Variants in CLPB observed in about 807,000 individuals in gnomAD.
CLPB encodes the protein ClpB family mitochondrial disaggregase.
Under a neutral mutation model 78.4 loss-of-function variants are expected in CLPB, and 40 were observed. The observed-to-expected ratio is 0.51, with a 90% CI of 0.40 to 0.66. The LOEUF (loss-of-function observed/expected upper bound fraction) is 0.66, where lower values mean the gene tolerates loss of function less well. Ranked by LOEUF, CLPB falls within the 30% of genes least tolerant of loss-of-function variation. CLPB has a pLI of 0.00. For synonymous variants in CLPB, 333 were observed against 348.0 expected (o/e 0.96, Z 0.48); for missense variants, 780 against 886.9 (o/e 0.88, Z 1.53).
At chr11:72,325,535 G>A (rs193152844) in intron 6 of CLPB, among the ~76,000 whole-genome samples, 12 of 152,250 alleles carry the variant, frequency 7.9e-5, no homozygotes, top group Admixed American at 7.2e-4. Flanking sequence ...CCAACAGTGA[G>A]GGACACATCA....
chr11:72,376,876 T>G (rs182048958), intron 4 of CLPB, among the ~76,000 whole-genome samples: 14 of 152,294 alleles, frequency 9.2e-5, no homozygotes, highest in African/African-American at 3.4e-4. Flanking sequence ...TTTGCCATGT[T>G]GGCCAGGCTG....
At chr11:72,345,120 G>A (rs1204728894) in intron 5 of CLPB, among the ~76,000 whole-genome samples, 1 of 152,090 alleles carries the variant, frequency 6.6e-6, no homozygotes, top group African/African-American at 2.4e-5. Flanking sequence ...GGAGAAGCTT[G>A]GTAATATCTA....
chr11:72,419,753 C>G (rs1856134340), intron 2 of CLPB, among the ~76,000 whole-genome samples: 1 of 152,188 alleles, frequency 6.6e-6, no homozygotes, highest in African/African-American at 2.4e-5. Context: ...CTCAAGCTTC[C>G]TCTGACCAGG....
chr11:72,321,138 G>C (rs1950036875), intron 6 of CLPB, among the ~76,000 whole-genome samples: 1 of 152,108 alleles, frequency 6.6e-6, no homozygotes, highest in African/African-American at 2.4e-5. Flanking sequence ...GGAGGAGCTT[G>C]GTAAGGGCTC....
chr11:72,404,555 T>C (rs979138623), intron 2 of CLPB, among the ~76,000 whole-genome samples: 8 of 152,130 alleles, frequency 5.3e-5, no homozygotes, highest in African/African-American at 1.9e-4. Context: ...GAACTGCACA[T>C]CTCATGAGTG....
chr11:72,432,494 C>G (rs1319514082), intron 1 of CLPB, among the ~76,000 whole-genome samples: 2 of 152,130 alleles, frequency 1.3e-5, no homozygotes. Flanking sequence ...GCCCTCTGAT[C>G]CCCCAACGAC....
chr11:72,419,163 C>T (rs1464386076), intron 2 of CLPB, among the ~76,000 whole-genome samples: 1 of 152,208 alleles, frequency 6.6e-6, no homozygotes, highest in Non-Finnish European at 1.5e-5. Context: ...ATCTCTGTTC[C>T]TCAGTTTCCA....
rs150868145 is a variant in CLPB, at chr11:72,342,565, T to G, written c.776-12761A>C. On this transcript the variant is annotated intron_variant, in intron 5 of 15. Transcript: ENST00000538039. Reference sequence around the variant, plus strand: ...CTTATCCCCACAGTATAGCACAGACTCTCCTCAGAGGTGGCAGCAGGTTCT... The same window carrying G: ...CTTATCCCCACAGTATAGCACAGACGCTCCTCAGAGGTGGCAGCAGGTTCT... Among the ~76,000 whole-genome samples, 150 of 152,138 alleles carry G rather than the reference T, an allele frequency of 9.9e-4. 1 individual carries two copies. Among genetic ancestry groups the G allele is most frequent in the African/African-American group, 3.6e-3 (149 of 41,512 alleles).
chr11:72,404,726 C>T (rs962289450), intron 2 of CLPB, among the ~76,000 whole-genome samples: 8 of 152,142 alleles, frequency 5.3e-5, no homozygotes, highest in Non-Finnish European at 8.8e-5. Context: ...CAGTCCTCTT[C>T]ACCTGGAGCA....
chr11:72,405,323 C>T (rs1855677974), intron 2 of CLPB, among the ~76,000 whole-genome samples: 1 of 152,180 alleles, frequency 6.6e-6, no homozygotes, highest in Non-Finnish European at 1.5e-5. Flanking sequence ...CACAAGACCT[C>T]GAATGTCAGA....
intron 2 of CLPB, chr11:72,411,705 AG>A (rs567481761): frequency 6.6e-6 from 1 of 152,192 alleles, no homozygotes; most frequent in Non-Finnish European, 1.5e-5. Context: ...TCTTCCACTC[AG>A]GGGAGGGAGG....
At chr11:72,398,820 ACT>A (rs1855482550) in intron 3 of CLPB, among the ~76,000 whole-genome samples, 2 of 152,324 alleles carry the variant, frequency 1.3e-5, no homozygotes, top group East Asian at 3.9e-4. Flanking sequence ...CCAAGCTGTT[ACT>A]AGGGCTGGCA....
At chr11:72,323,020 C>T (rs1006311455) in intron 6 of CLPB, among the ~76,000 whole-genome samples, 2 of 152,100 alleles carry the variant, frequency 1.3e-5, no homozygotes, top group African/African-American at 2.4e-5. Context: ...AAGCCTGCAC[C>T]GTCCACCTGG....
chr11:72,393,376 A>G (rs1855310898), intron 3 of CLPB, among the ~76,000 whole-genome samples: 1 of 152,230 alleles, frequency 6.6e-6, no homozygotes, highest in African/African-American at 2.4e-5. Context: ...AAGAAAAAAC[A>G]ATATTAATAA....
chr11:72,301,896 C>T lies in CLPB; in HGVS notation c.1236G>A (p.Lys412=), dbSNP rs538912422. ...GHEEGGQLTK[K]LKQCPNAVVL... is the part of the protein sequence containing the mutation. ...CCACAGCATTGGGGCACTGCTTCAA[C>T]TTCTTGGTCAGCTGGCCACCCTCCT... Residue 412 remains lysine (K), a synonymous_variant, in exon 11 of 16, where the codon AAG becomes AAA. Transcript: ENST00000538039. The T allele has an allele frequency of 2.0e-5, 32 of 1,614,244 alleles. 1 individual carries two copies. The African/African-American group carries it at 4.1e-4, about 21-fold the overall frequency.
chr11:72,336,379 G>A (rs1203607300), intron 5 of CLPB, among the ~76,000 whole-genome samples: 1 of 152,116 alleles, frequency 6.6e-6, no homozygotes, highest in Non-Finnish European at 1.5e-5. Context: ...CAGTTCCCAT[G>A]ACTCAGCCCT....
chr11:72,433,574 A>G (rs1264834295), intron 1 of CLPB, among the ~76,000 whole-genome samples: 2 of 142,864 alleles, frequency 1.4e-5, no homozygotes, highest in Non-Finnish European at 3.0e-5. Flanking sequence ...TAAATAAATA[A>G]ATAAATAAAT....
chr11:72,302,467 T>A, intron 9 of CLPB, 119 bp from the exon 10 acceptor site: 1 of 837,614 alleles, frequency 1.2e-6, no homozygotes, highest in Non-Finnish European at 2.1e-6. Context: ...CATAAGATCT[T>A]CTATCTCACG....
intron 3 of CLPB, among the ~76,000 whole-genome samples, chr11:72,397,284 AT>A (rs1371682849): frequency 6.6e-6 from 1 of 152,210 alleles, no homozygotes; most frequent in Non-Finnish European, 1.5e-5. Context: ...GTTGATGGAC[AT>A]TGCATTATAT....
Sources: allele counts gnomAD v4.1 joint callset (sites outside exome capture counted in the v4.1 genomes callset), GRCh38; gene constraint gnomAD v4.1.1; transcripts MANE v1.5; gene names NCBI Gene and HGNC (gene_info 2026-07-23, HGNC 2026-07-21).